The following HDAC8 variants were observed in gnomAD, a reference collection of about 807,000 sequenced individuals.
The protein encoded by HDAC8 is histone deacetylase 8.
HDAC8 carries 1 observed loss-of-function variant against 32.2 expected under a neutral mutation model. The ratio of observed to expected loss-of-function variants is 0.03; its 90% confidence interval spans 0.01 to 0.15. The LOEUF (loss-of-function observed/expected upper bound fraction) is 0.15. Ranked by LOEUF, HDAC8 falls within the 10% of genes least tolerant of loss-of-function variation. HDAC8 has a pLI of 1.00. For missense variants in HDAC8, 117 were observed against 300.0 expected (o/e 0.39, Z 4.51); for synonymous variants, 108 against 113.9 (o/e 0.95, Z 0.33).
intron 4 of HDAC8, among the ~76,000 whole-genome samples, chrX:72,545,743 A>G (rs2050842197): frequency 8.9e-6 from 1 of 111,747 alleles, no homozygotes; most frequent in African/African-American, 3.3e-5. Context: ...CTGGGCTACT[A>G]TGGTAAAGGC....
At chrX:72,553,142 T>G (rs1381501157) in intron 4 of HDAC8, among the ~76,000 whole-genome samples, 1 of 111,070 alleles carries the variant, frequency 9.0e-6, no homozygotes, top group Non-Finnish European at 1.9e-5. Flanking sequence ...CCTCCCAGGT[T>G]CAAGTGATTC....
chrX:72,552,924 T>C (rs1254957445), intron 4 of HDAC8, among the ~76,000 whole-genome samples: 1 of 111,484 alleles, frequency 9.0e-6, no homozygotes, highest in African/African-American at 3.3e-5. Context: ...TTCATATGCA[T>C]ATATTCTTTA....
At chrX:72,422,262 C>G (rs1245761829) in intron 9 of HDAC8, among the ~76,000 whole-genome samples, 2 of 111,439 alleles carry the variant, frequency 1.8e-5, no homozygotes, top group African/African-American at 6.5e-5. Flanking sequence ...CTATCCCTTT[C>G]ATAACCTCTT....
intron 9 of HDAC8, among the ~76,000 whole-genome samples, chrX:72,437,454 T>TC (rs1245173084): frequency 9.0e-6 from 1 of 110,930 alleles, no homozygotes; most frequent in African/African-American, 3.3e-5. Context: ...GTTTTTTTTT[T>TC]CATACTCCAG....
intron 9 of HDAC8, among the ~76,000 whole-genome samples, chrX:72,434,345 A>T (rs1261766062): frequency 8.9e-6 from 1 of 111,917 alleles, no homozygotes; most frequent in Non-Finnish European, 1.9e-5. Flanking sequence ...TGCTTCATAA[A>T]TGTTAAGTTC....
At chrX:72,568,055 G>A in intron 3 of HDAC8, 25 bp from the exon 4 acceptor site, 1 of 1,187,948 alleles carries the variant, frequency 8.4e-7, no homozygotes, top group Non-Finnish European at 1.1e-6. Context: ...CAGAAGAGCT[G>A]GTTAAAAGGT....
chrX:72,396,838 T>C (rs868982664), intron 9 of HDAC8, among the ~76,000 whole-genome samples: 2 of 96,482 alleles, frequency 2.1e-5, no homozygotes, highest in African/African-American at 1.2e-4. Flanking sequence ...TTATCTCAAA[T>C]AACAACAACA....
intron 4 of HDAC8, among the ~76,000 whole-genome samples, chrX:72,528,559 G>A (rs1421453562): frequency 8.9e-6 from 1 of 112,057 alleles, no homozygotes; most frequent in South Asian, 3.8e-4. Flanking sequence ...CAGTAATGTA[G>A]TAGAGGGCAT....
intron 4 of HDAC8, among the ~76,000 whole-genome samples, chrX:72,521,925 A>T (rs1409799530): frequency 9.0e-6 from 1 of 111,621 alleles, no homozygotes; most frequent in Non-Finnish European, 1.9e-5. Context: ...ATCAGAGACA[A>T]ATAATCCATA....
At chrX:72,529,876 T>C (rs2050273479) in intron 4 of HDAC8, among the ~76,000 whole-genome samples, 1 of 111,074 alleles carries the variant, frequency 9.0e-6, no homozygotes, top group Non-Finnish European at 1.9e-5. Context: ...GTTCCCATGA[T>C]AGTGAGTTCT....
chrX:72,351,125 T>G lies in HDAC8; in HGVS notation c.1111+608A>C, dbSNP rs781952552. On this transcript the variant is annotated intron_variant, in intron 10 of 10. Transcript: ENST00000373573. Reference sequence around the variant, plus strand: ...CTTGAATTTTCCTCTTTTTTTTTTTTGGGACAGGGTCTCGCCCAGGCTGGA... The same window carrying G: ...CTTGAATTTTCCTCTTTTTTTTTTTGGGGACAGGGTCTCGCCCAGGCTGGA... The G allele has an allele frequency of 9.2e-5, 12 of 131,041 alleles. No homozygotes were observed. The South Asian group carries it at 1.4e-3, about 16-fold the overall frequency. 10.8% of individuals were successfully genotyped at this position (131,041 alleles called of 1,213,427 possible).
chrX:72,355,564 A>C (rs1399487056), intron 9 of HDAC8, among the ~76,000 whole-genome samples: 1 of 111,632 alleles, frequency 9.0e-6, no homozygotes, highest in Admixed American at 9.5e-5. Context: ...TGGCTATTCT[A>C]GGGTAGTTGG....
At chrX:72,470,721 C>T (rs2048148484) in intron 7 of HDAC8, among the ~76,000 whole-genome samples, 1 of 111,759 alleles carries the variant, frequency 8.9e-6, no homozygotes, top group African/African-American at 3.3e-5. Context: ...TATCCAAAAG[C>T]CTTTTCTCTG....
intron 9 of HDAC8, among the ~76,000 whole-genome samples, chrX:72,409,543 C>A (rs2046137398): frequency 8.9e-6 from 1 of 112,534 alleles, no homozygotes; most frequent in Non-Finnish European, 1.9e-5. Context: ...CAAACATATT[C>A]TGCCCTATCA....
intron 9 of HDAC8, among the ~76,000 whole-genome samples, chrX:72,361,364 T>C (rs1674220093): frequency 8.9e-6 from 1 of 111,886 alleles, no homozygotes; most frequent in Non-Finnish European, 1.9e-5. Flanking sequence ...TGGGAAATGT[T>C]ATCTTAATGG....
At chrX:72,407,132 T>C (rs1555968930) in intron 9 of HDAC8, among the ~76,000 whole-genome samples, 1 of 112,786 alleles carries the variant, frequency 8.9e-6, no homozygotes, top group Non-Finnish European at 1.9e-5. Context: ...AAAGACTTTG[T>C]AGATGTGATG....
chrX:72,444,024 T>A (rs1439190400), intron 9 of HDAC8, among the ~76,000 whole-genome samples: 3 of 109,609 alleles, frequency 2.7e-5, no homozygotes, highest in Non-Finnish European at 5.7e-5. Flanking sequence ...TAAGAGGCTC[T>A]GAAATTGTGG....
intron 10 of HDAC8, among the ~76,000 whole-genome samples, chrX:72,337,818 TACC>T (rs1602512226): frequency 1.8e-5 from 2 of 112,212 alleles, no homozygotes; most frequent in African/African-American, 6.5e-5. Context: ...TCCTGTCTCC[TACC>T]ACCACCCTCC....
intron 9 of HDAC8, among the ~76,000 whole-genome samples, chrX:72,394,633 G>A (rs782547435): frequency 1.8e-5 from 2 of 112,026 alleles, no homozygotes; most frequent in Non-Finnish European, 3.8e-5. Flanking sequence ...TCTCACGCTG[G>A]GGGCGGGGCA....
Sources: gnomAD v4.1 joint callset for allele counts (sites outside exome capture counted in the v4.1 genomes callset) on GRCh38, gnomAD v4.1.1 for gene constraint, MANE v1.5 for transcripts, NCBI Gene and HGNC (gene_info 2026-07-23, HGNC 2026-07-21) for gene names.